FAM53B: variants seen among roughly 807,000 people sequenced by gnomAD.
FAM53B encodes the protein family with sequence similarity 53 member B.
Under a neutral mutation model 32.7 loss-of-function variants are expected in FAM53B, and 12 were observed. That is an observed-to-expected ratio of 0.37 (90% CI 0.24 to 0.59). The LOEUF is 0.59. Among genes scored for constraint, FAM53B ranks in the 20% least tolerant of loss-of-function variants. The probability of loss-of-function intolerance (pLI) is 0.72; values close to 1 mark genes in which losing one functional copy is unlikely to be tolerated. For missense variants in FAM53B, 477 were observed against 577.7 expected, an observed-to-expected ratio of 0.83 and a Z score of 1.79; for synonymous variants, 234 against 228.7, an observed-to-expected ratio of 1.02 and a Z score of -0.21.
chr10:124,623,723 T>G, intron 4 of FAM53B, 119 bp from the exon 5 acceptor site: 110 of 1,144,804 alleles, frequency 9.6e-5, no homozygotes, highest in Non-Finnish European at 1.2e-4. Flanking sequence ...AAGTCCCGGG[T>G]TCCTCCTATC....
intron 1 of FAM53B, among the ~76,000 whole-genome samples, chr10:124,728,310 C>A (rs796395330): frequency 5.3e-5 from 8 of 152,204 alleles, no homozygotes; most frequent in Admixed American, 1.3e-4. Context: ...TGATCTGGTT[C>A]GTTCACTCAG....
chr10:124,654,305 C>T lies in FAM53B; in HGVS notation c.906+27302G>A, dbSNP rs1382275303. Among the ~76,000 whole-genome samples the T allele has an allele frequency of 2.6e-5, 4 of 152,360 alleles. No individual in the cohort carries two copies. The East Asian group carries it at 7.7e-4, about 29-fold the overall frequency. ...AAGGACCTGGAGCCTAGGGCCTGGC[C>T]CTCCCAACCCCTGGGTCTGAGCGGA... On this transcript the variant is annotated intron_variant, in intron 4 of 4. Transcript: ENST00000337318.
intron 4 of FAM53B, among the ~76,000 whole-genome samples, chr10:124,648,373 G>A (rs1390258830): frequency 6.6e-6 from 1 of 152,262 alleles, no homozygotes; most frequent in Admixed American, 6.5e-5. Flanking sequence ...TCTCCATGGA[G>A]GGGAAGGTCT....
intron 4 of FAM53B, among the ~76,000 whole-genome samples, chr10:124,629,768 A>T (rs1020268978): frequency 6.6e-6 from 1 of 152,242 alleles, no homozygotes; most frequent in African/African-American, 2.4e-5. Context: ...CTTTTTAAAA[A>T]ACTATTTCAG....
At chr10:124,735,251 A>G (rs771479208) in intron 1 of FAM53B, among the ~76,000 whole-genome samples, 55 of 152,226 alleles carry the variant, frequency 3.6e-4, no homozygotes, top group Non-Finnish European at 6.8e-4. Context: ...CTTGGTTTCC[A>G]AAGAATTCAT....
At chr10:124,706,383 T>C (rs1949958446) in intron 2 of FAM53B, among the ~76,000 whole-genome samples, 1 of 152,170 alleles carries the variant, frequency 6.6e-6, no homozygotes, top group South Asian at 2.1e-4. Flanking sequence ...CTTGCTGTTA[T>C]TTACCAGGGG....
rs1300780988 is a variant in FAM53B at position 124,671,239 on chromosome 10, T to C, written c.906+10368A>G. On this transcript the variant is annotated intron_variant, in intron 4 of 4. Transcript: ENST00000337318. Reference sequence around the variant, plus strand: ...CATTCACAGAACCAATTTCATCACCTTCCCTTTCTGCGGGACCAGCTAGCC... The same window carrying C: ...CATTCACAGAACCAATTTCATCACCCTCCCTTTCTGCGGGACCAGCTAGCC... The C allele has an allele frequency of 1.3e-5, 6 of 448,056 alleles. No homozygotes were observed. The East Asian group carries it at 2.8e-4, about 21-fold the overall frequency. 27.8% of individuals were successfully genotyped at this position (448,056 alleles called of 1,614,324 possible). A position where few individuals can be genotyped will look rare whatever the true frequency, so the allele number is the denominator to read the frequency against.
intron 4 of FAM53B, among the ~76,000 whole-genome samples, chr10:124,626,816 G>A (rs1265983508): frequency 1.3e-5 from 2 of 152,218 alleles, no homozygotes; most frequent in Non-Finnish European, 1.5e-5. Context: ...AGGCAATACA[G>A]AGGCAGACTC....
At chr10:124,637,455 G>A (rs2134042306) in intron 4 of FAM53B, among the ~76,000 whole-genome samples, 1 of 152,268 alleles carries the variant, frequency 6.6e-6, no homozygotes, top group South Asian at 2.1e-4. Context: ...ACTGCACCGA[G>A]ACTAGCTTCG....
At position 124,733,005 on chromosome 10, in the gene FAM53B, G is replaced by A. The variant is rs1950153995; in HGVS notation, c.-175+11008C>T. ...CTTTTGGCCTATGCGGACGCAGCCA[G>A]GCCAGATCCTCTTTTACTTTCTTTT... On this transcript the variant is annotated intron_variant, in intron 1 of 4. Transcript: ENST00000337318. The surrounding 1 kb of genome is among the most constrained non-coding windows in gnomAD (Gnocchi z 4.3). Among the ~76,000 whole-genome samples the A allele has an allele frequency of 6.6e-6, 1 of 152,158 alleles. No individual in the cohort carries two copies. Among genetic ancestry groups the A allele is most frequent in the African/African-American group, 2.4e-5 (1 of 41,430 alleles).
intron 4 of FAM53B, chr10:124,667,124 C>T (rs1352807016): frequency 4.3e-6 from 2 of 462,108 alleles, no homozygotes; most frequent in East Asian, 4.2e-5. Context: ...CCAGGCCAAA[C>T]TGAGACCTGC....
At chr10:124,680,798 A>G (rs1949765378) in intron 4 of FAM53B, among the ~76,000 whole-genome samples, 2 of 152,178 alleles carry the variant, frequency 1.3e-5, no homozygotes, top group Admixed American at 1.3e-4. Flanking sequence ...CAGAACCAAC[A>G]GTGTTGTGTC....
intron 4 of FAM53B, among the ~76,000 whole-genome samples, chr10:124,630,896 G>C (rs1288879379): frequency 1.3e-5 from 2 of 152,256 alleles, no homozygotes; most frequent in Non-Finnish European, 2.9e-5. Flanking sequence ...GCAGGGGACA[G>C]ACTTTGGCGG....
At chr10:124,639,467 A>G (rs1564864367) in intron 4 of FAM53B, among the ~76,000 whole-genome samples, 1 of 152,148 alleles carries the variant, frequency 6.6e-6, no homozygotes, top group Non-Finnish European at 1.5e-5. Context: ...GGTGGGCATC[A>G]CGAGGCAGAC....
chr10:124,727,897 T>C (rs1950117041), intron 1 of FAM53B, among the ~76,000 whole-genome samples: 1 of 152,186 alleles, frequency 6.6e-6, no homozygotes, highest in Admixed American at 6.5e-5. Context: ...AGGACTTCTT[T>C]GCACAATCTC....
intron 3 of FAM53B, among the ~76,000 whole-genome samples, chr10:124,684,892 A>G (rs1589750207): frequency 6.6e-6 from 1 of 152,238 alleles, no homozygotes; most frequent in South Asian, 2.1e-4. Flanking sequence ...GATTTAAAAG[A>G]AAACAGAAAG....
rs187734965 is a variant in FAM53B at position 124,729,065 on chromosome 10, A to T, written c.-175+14948T>A. Among the ~76,000 whole-genome samples, 5 of 152,346 alleles carry T rather than the reference A, an allele frequency of 3.3e-5. No individual in the cohort carries two copies. In the East Asian group the frequency reaches 9.6e-4, roughly 29 times the overall value. ...CAATGAGCAGACGATGAGAGAACAT[A>T]TGCAGAGTGCTTGGCACACAGTAGG... On this transcript the variant is annotated intron_variant, in intron 1 of 4. Transcript: ENST00000337318.
At chr10:124,647,570 G>A (rs1288193779) in intron 4 of FAM53B, among the ~76,000 whole-genome samples, 1 of 152,218 alleles carries the variant, frequency 6.6e-6, no homozygotes, top group Admixed American at 6.5e-5. Context: ...GAGCAGAGAT[G>A]CATGTCACCA....
At chr10:124,653,184 G>A (rs1200873443) in intron 4 of FAM53B, among the ~76,000 whole-genome samples, 1 of 151,206 alleles carries the variant, frequency 6.6e-6, no homozygotes, top group Admixed American at 6.6e-5. Flanking sequence ...TATTTTGATA[G>A]GATTTTTATC....
Sources: gnomAD v4.1 joint callset for allele counts (sites outside exome capture counted in the v4.1 genomes callset) on GRCh38, gnomAD v4.1.1 for gene constraint, Gnocchi (gnomAD v3.1) non-coding constraint, MANE v1.5 for transcripts, NCBI Gene and HGNC (gene_info 2026-07-23, HGNC 2026-07-21) for gene names.